Variants in RALGPS1 observed in about 807,000 individuals in gnomAD.
RALGPS1 encodes the protein Ral GEF with PH domain and SH3 binding motif 1.
In RALGPS1, 19 loss-of-function variants were observed where a neutral mutation model predicts 78.8. That is an observed-to-expected ratio of 0.24 (90% CI 0.17 to 0.35). The LOEUF (loss-of-function observed/expected upper bound fraction) is 0.35, where lower values mean the gene tolerates loss of function less well. Ranked by LOEUF, RALGPS1 falls within the 10% of genes least tolerant of loss-of-function variation. The pLI is 1.00. For synonymous variants in RALGPS1, 228 were observed against 256.3 expected, an observed-to-expected ratio of 0.89 and a Z score of 1.06; for missense variants, 454 against 688.3, an observed-to-expected ratio of 0.66 and a Z score of 3.81.
At position 127,091,571 on chromosome 9, in the gene RALGPS1, C is replaced by A; in HGVS notation, c.610+22215C>A. 5 of 1,499,796 alleles carry A rather than the reference C, an allele frequency of 3.3e-6. No individual in the cohort carries two copies. The highest frequency in any genetic ancestry group is 3.6e-6 in the Non-Finnish European group (4 of 1,117,196). 92.9% of individuals were successfully genotyped at this position (1,499,796 alleles called of 1,614,324 possible). ...CAGCTTGGCCCAGCTGCTTCTCACC[C>A]TGGGATCTTCCCGTTTCCAAGCCCT... is the stretch of plus-strand genomic sequence containing the variant. On this transcript the variant is annotated intron_variant, in intron 8 of 18. Coordinates refer to ENST00000259351, the MANE Select transcript of RALGPS1 (RefSeq NM_014636.3). This position sits in a 1 kb window ranked among gnomAD's most constrained non-coding sequence, Gnocchi z 4.3.
intron 4 of RALGPS1, among the ~76,000 whole-genome samples, chr9:126,995,901 G>A (rs2042700852): frequency 6.6e-6 from 1 of 151,846 alleles, no homozygotes; most frequent in African/African-American, 2.4e-5. Context: ...TCAACTACAT[G>A]GAAACTGAAC....
chr9:127,169,358 G>A (rs961687278), intron 10 of RALGPS1, among the ~76,000 whole-genome samples: 1 of 152,140 alleles, frequency 6.6e-6, no homozygotes, highest in African/African-American at 2.4e-5. Flanking sequence ...GGGCCCTTTG[G>A]CCTCATCTTC....
At chr9:127,108,475 T>A in intron 8 of RALGPS1, 3 of 1,612,418 alleles carry the variant, frequency 1.9e-6, no homozygotes, top group Non-Finnish European at 2.5e-6. Flanking sequence ...TAGCTCCTGC[T>A]TATGCACTCG....
chr9:127,117,780 GAC>G (rs1435221921), intron 8 of RALGPS1, among the ~76,000 whole-genome samples: 2 of 152,266 alleles, frequency 1.3e-5, no homozygotes, highest in African/African-American at 2.4e-5. Flanking sequence ...AACTGAGACA[GAC>G]ACAGCCTTTC....
At chr9:126,996,213 A>G (rs1180183753) in intron 4 of RALGPS1, among the ~76,000 whole-genome samples, 2 of 152,218 alleles carry the variant, frequency 1.3e-5, no homozygotes, top group East Asian at 1.9e-4. Flanking sequence ...GAGACACAAA[A>G]AACCCTTCAA....
At chr9:127,025,038 G>A (rs891856585) in intron 4 of RALGPS1, among the ~76,000 whole-genome samples, 20 of 152,140 alleles carry the variant, frequency 1.3e-4, no homozygotes, top group Non-Finnish European at 2.9e-5. Flanking sequence ...AAAGTTCTGT[G>A]TGCCCCTTTG....
Position 127,219,407 on chromosome 9 carries a change from C to T in RALGPS1, c.*638C>T, listed in dbSNP as rs866323803. 14 of 153,234 alleles carry T rather than the reference C, an allele frequency of 9.1e-5. No homozygotes were observed. The highest frequency in any genetic ancestry group is 1.4e-4 in the African/African-American group (6 of 41,442). The allele number at this position is 153,234 out of a possible 1,614,324, so 9.5% of individuals were successfully genotyped here. A position where few individuals can be genotyped will look rare whatever the true frequency, so the allele number is the denominator to read the frequency against. ...CCACCGAGGAAGGTCAGGGTGAGAGCCTAGATTCCTCCTGTGTCAAGGGTC... is the reference window on the plus strand; with the variant it reads ...CCACCGAGGAAGGTCAGGGTGAGAGTCTAGATTCCTCCTGTGTCAAGGGTC... On this transcript the variant is annotated 3_prime_UTR_variant, in exon 19 of 19. Coordinates refer to ENST00000259351, the MANE Select transcript of RALGPS1 (RefSeq NM_014636.3). The surrounding 1 kb of genome is among the most constrained non-coding windows in gnomAD (Gnocchi z 5.0).
intron 2 of RALGPS1, among the ~76,000 whole-genome samples, chr9:126,965,574 C>T (rs1035559651): frequency 6.6e-6 from 1 of 152,132 alleles, no homozygotes; most frequent in South Asian, 2.1e-4. Flanking sequence ...GCTGAGATAC[C>T]TTGGAGAAGT....
intron 8 of RALGPS1, among the ~76,000 whole-genome samples, chr9:127,095,942 C>T (rs138133787): frequency 2.6e-5 from 4 of 152,236 alleles, no homozygotes; most frequent in South Asian, 4.2e-4. Flanking sequence ...AGTATTGCCC[C>T]GATAAGAAAG....
At chr9:127,217,322 TA>T in intron 18 of RALGPS1, 2 of 1,040,092 alleles carry the variant, frequency 1.9e-6, no homozygotes, top group Non-Finnish European at 2.3e-6. Flanking sequence ...TATGTAATAA[TA>T]AAAAGTTGAC....
chr9:127,157,613 T>G (rs2058774476), intron 8 of RALGPS1, among the ~76,000 whole-genome samples: 1 of 152,130 alleles, frequency 6.6e-6, no homozygotes. Flanking sequence ...TATTGTAAAT[T>G]GCCCTTTTTT....
At chr9:126,998,857 T>C (rs2043020076) in intron 4 of RALGPS1, among the ~76,000 whole-genome samples, 1 of 151,702 alleles carries the variant, frequency 6.6e-6, no homozygotes, top group Non-Finnish European at 1.5e-5. Context: ...GATGAGTTCA[T>C]GTCCTTTGTA....
At chr9:127,038,290 T>C (rs1004761432) in intron 5 of RALGPS1, among the ~76,000 whole-genome samples, 2 of 152,252 alleles carry the variant, frequency 1.3e-5, no homozygotes, top group Non-Finnish European at 1.5e-5. Context: ...TTCACGTGCC[T>C]AATGAGATAG....
At chr9:126,944,294 T>C (rs865836434) in intron 1 of RALGPS1, among the ~76,000 whole-genome samples, 1 of 152,238 alleles carries the variant, frequency 6.6e-6, no homozygotes, top group African/African-American at 2.4e-5. Context: ...TTAGTGACAC[T>C]AATGGATGTG....
At chr9:127,138,583 C>T (rs1407809307) in intron 8 of RALGPS1, among the ~76,000 whole-genome samples, 5 of 152,126 alleles carry the variant, frequency 3.3e-5, no homozygotes, top group Non-Finnish European at 7.4e-5. Flanking sequence ...ATAGAAGAAA[C>T]TCCTGGAAAG....
At chr9:127,113,697 C>T (rs1429585023) in intron 8 of RALGPS1, among the ~76,000 whole-genome samples, 3 of 152,228 alleles carry the variant, frequency 2.0e-5, no homozygotes, top group African/African-American at 7.2e-5. Context: ...GTTTCCATCA[C>T]GCATGGGTTT....
intron 1 of RALGPS1, among the ~76,000 whole-genome samples, chr9:126,953,838 A>G (rs1340471487): frequency 1.3e-5 from 2 of 152,208 alleles, no homozygotes; most frequent in Non-Finnish European, 2.9e-5. Context: ...TCCATCTGTT[A>G]AAGGATAAAC....
At chr9:126,952,310 G>A (rs1047559172) in intron 1 of RALGPS1, among the ~76,000 whole-genome samples, 1 of 152,202 alleles carries the variant, frequency 6.6e-6, no homozygotes, top group African/African-American at 2.4e-5. Context: ...AGAGGCCAGA[G>A]GTTGGATGCT....
chr9:127,093,483 C>T (rs942612623), intron 8 of RALGPS1, among the ~76,000 whole-genome samples: 60 of 152,240 alleles, frequency 3.9e-4, no homozygotes, highest in African/African-American at 1.4e-3. Flanking sequence ...GTCTGGTCTA[C>T]TGACTCTTGT....
Sources: gnomAD v4.1 joint callset for allele counts (sites outside exome capture counted in the v4.1 genomes callset) on GRCh38, gnomAD v4.1.1 for gene constraint, Gnocchi (gnomAD v3.1) non-coding constraint, MANE v1.5 for transcripts, NCBI Gene and HGNC (gene_info 2026-07-23, HGNC 2026-07-21) for gene names.